Variants in ST6GALNAC3 observed in about 807,000 individuals in gnomAD.
ST6GALNAC3 encodes the protein ST6 N-acetylgalactosaminide alpha-2,6-sialyltransferase 3.
Under a neutral mutation model 32.7 loss-of-function variants are expected in ST6GALNAC3, and 25 were observed. The observed-to-expected ratio is 0.76, with a 90% CI of 0.56 to 1.07. The LOEUF is 1.07. ST6GALNAC3 is among the 50% of genes least tolerant of loss of function. ST6GALNAC3 has a pLI of 0.00. For synonymous variants in ST6GALNAC3, 129 were observed against 133.1 expected (o/e 0.97, Z 0.21); for missense variants, 355 against 382.4 (o/e 0.93, Z 0.60).
At chr1:76,234,276 C>T (rs1043988810) in intron 1 of ST6GALNAC3, among the ~76,000 whole-genome samples, 2 of 152,184 alleles carry the variant, frequency 1.3e-5, no homozygotes, top group Non-Finnish European at 2.9e-5. Context: ...CTAAACTGCT[C>T]TGTCCCCCTT....
At chr1:76,107,708 C>T (rs1480793395) in intron 1 of ST6GALNAC3, among the ~76,000 whole-genome samples, 4 of 152,148 alleles carry the variant, frequency 2.6e-5, no homozygotes, top group Non-Finnish European at 5.9e-5. Context: ...TACAGCCCTG[C>T]GGGTGAACAC....
At chr1:76,328,741 G>A (rs75368519) in intron 2 of ST6GALNAC3, among the ~76,000 whole-genome samples, 32 of 152,222 alleles carry the variant, frequency 2.1e-4, no homozygotes, top group African/African-American at 7.7e-4. Flanking sequence ...TGAATTAGGT[G>A]GAAATTGACA....
At position 76,447,338 on chromosome 1, in the gene ST6GALNAC3, G is replaced by A. The variant is rs182579176; in HGVS notation, c.623+34921G>A. Among the ~76,000 whole-genome samples the A allele has an allele frequency of 3.2e-3, 483 of 152,298 alleles. 1 individual carries two copies. Among genetic ancestry groups the A allele is most frequent in the African/African-American group, 0.011 (454 of 41,558 alleles). ...TTCTAAGCAGCAAAGCATTCAAGAG[G>A]TGACTTGGGTGCTGTTAAAAACATT... On this transcript the variant is annotated intron_variant, in intron 3 of 4. Coordinates refer to ENST00000328299, the MANE Select transcript of ST6GALNAC3 (RefSeq NM_152996.4).
At chr1:76,089,183 T>A (rs1182313216) in intron 1 of ST6GALNAC3, among the ~76,000 whole-genome samples, 3 of 152,116 alleles carry the variant, frequency 2.0e-5, no homozygotes, top group Admixed American at 1.3e-4. Flanking sequence ...CACCTGCCAC[T>A]ACGCCCGGCT....
intron 1 of ST6GALNAC3, among the ~76,000 whole-genome samples, chr1:76,199,672 C>T (rs943408191): frequency 2.0e-5 from 3 of 152,158 alleles, no homozygotes; most frequent in African/African-American, 7.2e-5. Context: ...AAATTGGGTC[C>T]TGTGGCCATA....
chr1:76,428,286 G>C (rs1160049129), intron 3 of ST6GALNAC3, among the ~76,000 whole-genome samples: 3 of 151,928 alleles, frequency 2.0e-5, no homozygotes, highest in Non-Finnish European at 4.4e-5. Context: ...TTCTCTGAAT[G>C]GTGAAAACTC....
intron 3 of ST6GALNAC3, among the ~76,000 whole-genome samples, chr1:76,542,553 T>C (rs72989993): frequency 0.043 from 6,597 of 152,258 alleles, 336 homozygotes; most frequent in African/African-American, 0.12. Flanking sequence ...GAGAGGTTCC[T>C]TTTCAGATAT....
chr1:76,564,649 T>A (rs1323294844), intron 3 of ST6GALNAC3, among the ~76,000 whole-genome samples: 1 of 149,286 alleles, frequency 6.7e-6, no homozygotes, highest in Non-Finnish European at 1.5e-5. Flanking sequence ...GCAGTGGCTC[T>A]ATCTCGGCTC....
intron 1 of ST6GALNAC3, among the ~76,000 whole-genome samples, chr1:76,118,693 T>C (rs573717288): frequency 6.6e-6 from 1 of 152,204 alleles, no homozygotes; most frequent in Non-Finnish European, 1.5e-5. Flanking sequence ...ACCCCCAAAC[T>C]TGTGGATATG....
intron 1 of ST6GALNAC3, among the ~76,000 whole-genome samples, chr1:76,174,859 G>T (rs1240951854): frequency 6.6e-6 from 1 of 151,744 alleles, no homozygotes; most frequent in Non-Finnish European, 1.5e-5. Context: ...GTAGATACAA[G>T]GTTTCTCCAT....
At chr1:76,315,032 A>T (rs890389482) in intron 2 of ST6GALNAC3, among the ~76,000 whole-genome samples, 5 of 152,050 alleles carry the variant, frequency 3.3e-5, no homozygotes, top group Admixed American at 3.3e-4. Context: ...ATTCTTCGAA[A>T]ATTGTTTCTG....
chr1:76,244,356 A>T (rs1657140331), intron 1 of ST6GALNAC3, among the ~76,000 whole-genome samples: 1 of 152,134 alleles, frequency 6.6e-6, no homozygotes, highest in Non-Finnish European at 1.5e-5. Flanking sequence ...GGGTGAGATG[A>T]TGGGGTTTTC....
chr1:76,604,064 C>A (rs1339212233), intron 3 of ST6GALNAC3, among the ~76,000 whole-genome samples: 1 of 151,966 alleles, frequency 6.6e-6, no homozygotes, highest in Non-Finnish European at 1.5e-5. Flanking sequence ...ATTGGCTGGG[C>A]CTTGCAAAGT....
intron 1 of ST6GALNAC3, among the ~76,000 whole-genome samples, chr1:76,300,303 C>T (rs1557766162): frequency 6.6e-6 from 1 of 151,976 alleles, no homozygotes; most frequent in East Asian, 1.9e-4. Flanking sequence ...AAAGGCATGC[C>T]TAACTCTGTG....
intron 1 of ST6GALNAC3, among the ~76,000 whole-genome samples, chr1:76,202,320 A>G (rs1313219510): frequency 6.6e-6 from 1 of 151,810 alleles, no homozygotes; most frequent in Non-Finnish European, 1.5e-5. Flanking sequence ...ATACACACAT[A>G]TACAATTAGC....
chr1:76,454,537 A>C (rs1657633550), intron 3 of ST6GALNAC3, among the ~76,000 whole-genome samples: 1 of 152,142 alleles, frequency 6.6e-6, no homozygotes, highest in Non-Finnish European at 1.5e-5. Flanking sequence ...TCCTTCATTT[A>C]TGAAGCTTAG....
chr1:76,120,582 T>C (rs1414377334), intron 1 of ST6GALNAC3, among the ~76,000 whole-genome samples: 1 of 152,184 alleles, frequency 6.6e-6, no homozygotes, highest in South Asian at 2.1e-4. Context: ...AGAGAAATTA[T>C]AGGAATTGCT....
intron 3 of ST6GALNAC3, among the ~76,000 whole-genome samples, chr1:76,425,405 A>C (rs1430809997): frequency 2.6e-5 from 4 of 151,876 alleles, no homozygotes; most frequent in Admixed American, 6.6e-5. Context: ...CACTCACACC[A>C]AGCTCTTTTT....
At chr1:76,544,507 A>G (rs960517392) in intron 3 of ST6GALNAC3, among the ~76,000 whole-genome samples, 6 of 152,174 alleles carry the variant, frequency 3.9e-5, no homozygotes, top group Non-Finnish European at 7.4e-5. Context: ...TGAGACTCTG[A>G]CAAATGAAGA....
Sources: allele counts gnomAD v4.1 joint callset (sites outside exome capture counted in the v4.1 genomes callset), GRCh38; gene constraint gnomAD v4.1.1; transcripts MANE v1.5; gene names NCBI Gene and HGNC (gene_info 2026-07-23, HGNC 2026-07-21).